ELOVL7: variants seen among roughly 807,000 people sequenced by gnomAD.
ELOVL7 encodes very long chain fatty acid elongase 7.
Under a neutral mutation model 35.7 loss-of-function variants are expected in ELOVL7, and 27 were observed. That is an observed-to-expected ratio of 0.76 (90% CI 0.56 to 1.04). ELOVL7 has a LOEUF of 1.04. ELOVL7 is among the 50% of genes least tolerant of loss of function. ELOVL7 has a pLI of 0.00. For missense variants in ELOVL7, 327 were observed against 340.8 expected (o/e 0.96, Z 0.32); for synonymous variants, 113 against 114.6 (o/e 0.99, Z 0.09).
chr5:60,793,460 T>C (rs962303284), intron 2 of ELOVL7, among the ~76,000 whole-genome samples: 1 of 151,964 alleles, frequency 6.6e-6, no homozygotes, highest in African/African-American at 2.4e-5. Context: ...TAAAATCAAG[T>C]AGAGGAACTA....
At chr5:60,795,676 C>T (rs1397612325) in intron 2 of ELOVL7, among the ~76,000 whole-genome samples, 7 of 152,348 alleles carry the variant, frequency 4.6e-5, no homozygotes, top group East Asian at 1.9e-4. Context: ...CCTCCGGATC[C>T]GGCAGGGTGT....
At chr5:60,803,860 A>C (rs1197564853) in intron 1 of ELOVL7, among the ~76,000 whole-genome samples, 1 of 152,198 alleles carries the variant, frequency 6.6e-6, no homozygotes, top group Non-Finnish European at 1.5e-5. Flanking sequence ...CCTCAAAACA[A>C]GTATTTTTAC....
At chr5:60,809,879 G>A (rs1460314205) in intron 1 of ELOVL7, among the ~76,000 whole-genome samples, 1 of 152,116 alleles carries the variant, frequency 6.6e-6, no homozygotes, top group African/African-American at 2.4e-5. Context: ...TCCATACACT[G>A]GTGAACAGAT....
intron 3 of ELOVL7, among the ~76,000 whole-genome samples, chr5:60,773,931 G>A (rs184903819): frequency 8.1e-4 from 123 of 152,310 alleles, no homozygotes; most frequent in African/African-American, 2.9e-3. Context: ...TTCTCCAAAC[G>A]TATTTGGCCA....
At chr5:60,843,064 G>A (rs558938743) in intron 1 of ELOVL7, among the ~76,000 whole-genome samples, 10 of 152,188 alleles carry the variant, frequency 6.6e-5, no homozygotes, top group African/African-American at 2.4e-4. Context: ...TTCGGAGCAC[G>A]TAAGCAATAA....
chr5:60,766,112 A>C (rs1356742285), intron 6 of ELOVL7, among the ~76,000 whole-genome samples: 1 of 152,238 alleles, frequency 6.6e-6, no homozygotes, highest in Non-Finnish European at 1.5e-5. Context: ...CCGACAGCCC[A>C]GGGGTAATGC....
At chr5:60,795,743 C>T (rs540918009) in intron 2 of ELOVL7, among the ~76,000 whole-genome samples, 1 of 152,322 alleles carries the variant, frequency 6.6e-6, no homozygotes, top group South Asian at 2.1e-4. Flanking sequence ...GGGCTAGAGG[C>T]TCGTCATTGT....
chr5:60,835,399 A>C (rs1328007402), intron 1 of ELOVL7, among the ~76,000 whole-genome samples: 1 of 151,824 alleles, frequency 6.6e-6, no homozygotes, highest in Non-Finnish European at 1.5e-5. Context: ...AAGTTTTTAC[A>C]ATTTCTGTTT....
At position 60,754,109 on chromosome 5, in the gene ELOVL7, T is replaced by C. The variant is rs1352050826; in HGVS notation, c.*515A>G. The C allele has an allele frequency of 6.6e-6, 1 of 152,496 alleles. No homozygotes were observed. Among genetic ancestry groups the C allele is most frequent in the Non-Finnish European group, 1.5e-5 (1 of 68,244 alleles). The allele number at this position is 152,496 out of a possible 1,614,324, so 9.4% of individuals were successfully genotyped here. ...ATCAAAAACTCACTCAATTTTCACC[T>C]GTGCTAGCTTGCTAAAATGGGAGTT... On this transcript the variant is annotated 3_prime_UTR_variant, in exon 9 of 9. Transcript: ENST00000508821.
At chr5:60,828,000 T>C (rs1746272727) in intron 1 of ELOVL7, among the ~76,000 whole-genome samples, 1 of 63,590 alleles carries the variant, frequency 1.6e-5, no homozygotes. Flanking sequence ...GTCCTCAATT[T>C]CCCACATTTT....
At chr5:60,777,716 A>C (rs1418113738) in intron 3 of ELOVL7, among the ~76,000 whole-genome samples, 1 of 152,216 alleles carries the variant, frequency 6.6e-6, no homozygotes, top group Non-Finnish European at 1.5e-5. Context: ...CAGCATTCAC[A>C]GAAGGAATTA....
intron 1 of ELOVL7, among the ~76,000 whole-genome samples, chr5:60,837,296 G>A (rs1282752511): frequency 8.0e-6 from 1 of 125,178 alleles, no homozygotes; most frequent in Non-Finnish European, 1.7e-5. Flanking sequence ...AGCCGGGCAG[G>A]CGTGGTAGGG....
At chr5:60,779,575 G>A (rs1743112478) in intron 3 of ELOVL7, among the ~76,000 whole-genome samples, 1 of 152,098 alleles carries the variant, frequency 6.6e-6, no homozygotes, top group South Asian at 2.1e-4. Context: ...TGGAATGCAG[G>A]GCATCAAGTC....
At chr5:60,772,202 A>AGTTAATC in intron 3 of ELOVL7, 109 bp from the exon 4 acceptor site, 1 of 656,090 alleles carries the variant, frequency 1.5e-6, no homozygotes, top group Non-Finnish European at 2.6e-6. Context: ...ACTGTGAGCT[A>AGTTAATC]TTTGGGCAGT....
chr5:60,802,111 TATATATAC>T (rs1450338392), intron 1 of ELOVL7, among the ~76,000 whole-genome samples: 70 of 6,684 alleles, frequency 0.01, 3 homozygotes, highest in Non-Finnish European at 0.015. Context: ...TATATATATA[TATATATAC>T]ACACACACAC....
intron 7 of ELOVL7, among the ~76,000 whole-genome samples, chr5:60,758,139 G>A (rs530085160): frequency 1.3e-5 from 2 of 152,120 alleles, no homozygotes; most frequent in African/African-American, 4.8e-5. Flanking sequence ...CCCTCCCAAG[G>A]TAGCTTTACT....
chr5:60,782,283 C>G (rs1326158977), intron 3 of ELOVL7, among the ~76,000 whole-genome samples: 1 of 151,946 alleles, frequency 6.6e-6, no homozygotes, highest in Non-Finnish European at 1.5e-5. Context: ...AAAAGAGAAC[C>G]CTTGTACAAT....
At chr5:60,763,863 T>C (rs1742069409) in intron 7 of ELOVL7, among the ~76,000 whole-genome samples, 1 of 152,162 alleles carries the variant, frequency 6.6e-6, no homozygotes, top group East Asian at 1.9e-4. Context: ...CCTGGGAGCA[T>C]ACAGGAAATT....
At chr5:60,821,932 G>A (rs1406030143) in intron 1 of ELOVL7, among the ~76,000 whole-genome samples, 12 of 151,928 alleles carry the variant, frequency 7.9e-5, no homozygotes, top group African/African-American at 2.7e-4. Flanking sequence ...CCACGATAGG[G>A]AAAAAAAGAA....
Sources: gnomAD v4.1 joint callset for allele counts (sites outside exome capture counted in the v4.1 genomes callset) on GRCh38, gnomAD v4.1.1 for gene constraint, MANE v1.5 for transcripts, NCBI Gene and HGNC (gene_info 2026-07-23, HGNC 2026-07-21) for gene names.